The following GPC6 variants were observed in gnomAD, a reference collection of about 807,000 sequenced individuals.
The protein encoded by GPC6 is glypican 6.
In GPC6, 14 loss-of-function variants were observed where a neutral mutation model predicts 55.2. The observed-to-expected ratio is 0.25, with a 90% confidence interval of 0.17 to 0.40. GPC6 has a LOEUF of 0.40. GPC6 is among the 10% of genes least tolerant of loss of function. GPC6 has a pLI of 1.00. For missense variants in GPC6, 641 were observed against 708.5 expected, an observed-to-expected ratio of 0.90 and a Z score of 1.08; for synonymous variants, 278 against 259.6, an observed-to-expected ratio of 1.07 and a Z score of -0.68.
At chr13:93,838,452 A>G (rs1364759516) in intron 3 of GPC6, among the ~76,000 whole-genome samples, 2 of 152,230 alleles carry the variant, frequency 1.3e-5, no homozygotes, top group Non-Finnish European at 2.9e-5. Context: ...GGCATAAATC[A>G]TGAAATGTTA....
chr13:93,559,026 G>A (rs1413633859), intron 2 of GPC6, among the ~76,000 whole-genome samples: 1 of 152,192 alleles, frequency 6.6e-6, no homozygotes, highest in African/African-American at 2.4e-5. Context: ...CAAACATTCA[G>A]CAGTGGTTGT....
At chr13:94,392,228 TAAGGCACTAGC>T (rs969239042) in intron 7 of GPC6, among the ~76,000 whole-genome samples, 2 of 151,970 alleles carry the variant, frequency 1.3e-5, no homozygotes, top group Non-Finnish European at 2.9e-5. Context: ...TTCTGAGAAA[TAAGGCACTAGC>T]AAGGAAGGTT....
At chr13:93,550,943 C>A (rs1019873871) in intron 2 of GPC6, among the ~76,000 whole-genome samples, 1 of 152,008 alleles carries the variant, frequency 6.6e-6, no homozygotes, top group South Asian at 2.1e-4. Context: ...TTGGGGGAGA[C>A]ATAAGTATAA....
chr13:93,727,756 A>G (rs1242498462), intron 2 of GPC6, among the ~76,000 whole-genome samples: 1 of 152,144 alleles, frequency 6.6e-6, no homozygotes, highest in East Asian at 1.9e-4. Flanking sequence ...TTAAAACTAA[A>G]TATCAGGATG....
intron 2 of GPC6, among the ~76,000 whole-genome samples, chr13:93,572,128 T>C (rs1449489900): frequency 2.6e-5 from 4 of 152,154 alleles, no homozygotes; most frequent in Admixed American, 1.3e-4. Context: ...TCATCATAAA[T>C]GTGTACCAGA....
intron 2 of GPC6, among the ~76,000 whole-genome samples, chr13:93,666,979 T>C (rs1881163306): frequency 6.6e-6 from 1 of 152,194 alleles, no homozygotes; most frequent in African/African-American, 2.4e-5. Flanking sequence ...ATAATGTTGC[T>C]ACAGTATTCA....
intron 3 of GPC6, among the ~76,000 whole-genome samples, chr13:93,995,900 A>G (rs1044338479): frequency 1.3e-5 from 2 of 152,148 alleles, no homozygotes; most frequent in Non-Finnish European, 2.9e-5. Context: ...GTGTTTGCCT[A>G]TATTGTAGTC....
chr13:94,021,511 T>A (rs1882694222), intron 3 of GPC6, among the ~76,000 whole-genome samples: 1 of 152,026 alleles, frequency 6.6e-6, no homozygotes, highest in African/African-American at 2.4e-5. Context: ...CTAAAACATT[T>A]TGACATACAT....
In GPC6 at chr13:94,086,133, T is replaced by G. The variant is rs536783351; in HGVS notation, c.877+58239T>G. Among the ~76,000 whole-genome samples, 38 of 152,314 alleles carry G rather than the reference T, an allele frequency of 2.5e-4. No individual in the cohort carries two copies. The South Asian group carries it at 5.4e-3, about 22-fold the overall frequency. On this transcript the variant is annotated intron_variant, in intron 4 of 8. Transcript: ENST00000377047. ...TGCTTCCGTGAATTTTTAAAATTGGTTTATACATTTGACAAAGCTACTTAC... is the reference window on the plus strand; with the variant it reads ...TGCTTCCGTGAATTTTTAAAATTGGGTTATACATTTGACAAAGCTACTTAC...
At chr13:93,451,992 T>TA (rs1878244319) in intron 1 of GPC6, among the ~76,000 whole-genome samples, 2 of 152,172 alleles carry the variant, frequency 1.3e-5, no homozygotes, top group South Asian at 4.1e-4. Context: ...CAATAAAAAA[T>TA]AATAATAGCA....
intron 1 of GPC6, among the ~76,000 whole-genome samples, chr13:93,378,749 G>A (rs1434910450): frequency 6.6e-6 from 1 of 151,960 alleles, no homozygotes; most frequent in African/African-American, 2.4e-5. Context: ...TAATCCCACC[G>A]CTTTGGGAGG....
chr13:94,331,620 G>A (rs1877425003), intron 6 of GPC6, among the ~76,000 whole-genome samples: 1 of 152,206 alleles, frequency 6.6e-6, no homozygotes, highest in Non-Finnish European at 1.5e-5. Flanking sequence ...CTGTCAAGTT[G>A]TTGGAAGTAT....
chr13:93,886,721 C>T (rs1468313140), intron 3 of GPC6, among the ~76,000 whole-genome samples: 1 of 150,956 alleles, frequency 6.6e-6, no homozygotes, highest in Admixed American at 6.6e-5. Flanking sequence ...AGTTTGATGT[C>T]CATACATTGC....
At chr13:93,975,693 A>AT (rs1880486677) in intron 3 of GPC6, among the ~76,000 whole-genome samples, 2 of 152,026 alleles carry the variant, frequency 1.3e-5, no homozygotes, top group South Asian at 4.1e-4. Flanking sequence ...TATATGTTTC[A>AT]TTTTTCCCCT....
intron 2 of GPC6, among the ~76,000 whole-genome samples, chr13:93,634,285 C>T (rs1879601248): frequency 6.6e-6 from 1 of 152,164 alleles, no homozygotes; most frequent in Non-Finnish European, 1.5e-5. Flanking sequence ...CCAGAACAGA[C>T]ATTAGTGACG....
intron 2 of GPC6, among the ~76,000 whole-genome samples, chr13:93,661,300 G>A (rs763111881): frequency 8.7e-4 from 133 of 152,046 alleles, no homozygotes; most frequent in Non-Finnish European, 1.5e-3. Flanking sequence ...TGCAACCTCC[G>A]CCTCCTGGTT....
chr13:94,165,470 C>T (rs1448264022), intron 4 of GPC6, among the ~76,000 whole-genome samples: 6 of 151,866 alleles, frequency 4.0e-5, no homozygotes, highest in African/African-American at 1.4e-4. Flanking sequence ...AAGAATGACA[C>T]GATGGACTTT....
At chr13:93,767,740 A>G (rs1378487215) in intron 2 of GPC6, among the ~76,000 whole-genome samples, 1 of 152,176 alleles carries the variant, frequency 6.6e-6, no homozygotes, top group Non-Finnish European at 1.5e-5. Context: ...CCACCATCTT[A>G]GTGTTTAGCT....
At chr13:93,581,189 A>G (rs985098255) in intron 2 of GPC6, among the ~76,000 whole-genome samples, 18 of 152,220 alleles carry the variant, frequency 1.2e-4, no homozygotes, top group Non-Finnish European at 2.5e-4. Context: ...CTTCATATCA[A>G]TGTCAATATT....
Sources: allele counts gnomAD v4.1 joint callset (sites outside exome capture counted in the v4.1 genomes callset), GRCh38; gene constraint gnomAD v4.1.1; transcripts MANE v1.5; gene names NCBI Gene and HGNC (gene_info 2026-07-23, HGNC 2026-07-21).